The following FMN2 variants were observed in gnomAD, a reference collection of about 807,000 sequenced individuals.
FMN2 encodes the protein formin 2.
FMN2 carries 51 observed loss-of-function variants against 142.3 expected under a neutral mutation model. That is an observed-to-expected ratio of 0.36 (90% CI 0.29 to 0.45). The LOEUF (loss-of-function observed/expected upper bound fraction) is 0.45. Ranked by LOEUF, FMN2 falls within the 20% of genes least tolerant of loss-of-function variation. The pLI is 1.00. For synonymous variants in FMN2, 882 were observed against 869.8 expected, an observed-to-expected ratio of 1.01 and a Z score of -0.25; for missense variants, 1,936 against 2,122.8, an observed-to-expected ratio of 0.91 and a Z score of 1.73.
At chr1:240,328,990 A>G in intron 8 of FMN2, 86 bp from the exon 9 acceptor site, 1 of 1,184,420 alleles carries the variant, frequency 8.4e-7, no homozygotes, top group Non-Finnish European at 1.2e-6. Context: ...TATTCAGATC[A>G]GCAAATTTAT....
chr1:240,237,374 C>T (rs1374677947), intron 6 of FMN2, among the ~76,000 whole-genome samples: 1 of 152,156 alleles, frequency 6.6e-6, no homozygotes, highest in African/African-American at 2.4e-5. Flanking sequence ...GCTGGTGACC[C>T]CAGCTTGCCC....
At chr1:240,444,073 T>C (rs915115134) in intron 16 of FMN2, among the ~76,000 whole-genome samples, 1 of 152,186 alleles carries the variant, frequency 6.6e-6, no homozygotes, top group African/African-American at 2.4e-5. Context: ...GGGTTAGGCT[T>C]CCAGAACAAC....
chr1:240,238,483 A>G (rs969989453), intron 6 of FMN2, among the ~76,000 whole-genome samples: 2 of 152,208 alleles, frequency 1.3e-5, no homozygotes, highest in African/African-American at 2.4e-5. Context: ...TGACACATAT[A>G]ATGACTTTTC....
intron 14 of FMN2, among the ~76,000 whole-genome samples, chr1:240,369,126 C>T (rs1368419199): frequency 6.6e-6 from 1 of 152,134 alleles, no homozygotes; most frequent in Non-Finnish European, 1.5e-5. Flanking sequence ...TACACTTTCA[C>T]CTCCATCTCC....
intron 3 of FMN2, among the ~76,000 whole-genome samples, chr1:240,187,611 G>A (rs956252818): frequency 7.9e-5 from 12 of 152,014 alleles, no homozygotes; most frequent in Admixed American, 3.9e-4. Context: ...GTGCCCTCTC[G>A]CTTACGAAAA....
At chr1:240,278,731 A>T (rs1004680258) in intron 7 of FMN2, among the ~76,000 whole-genome samples, 7 of 152,218 alleles carry the variant, frequency 4.6e-5, no homozygotes, top group African/African-American at 1.7e-4. Context: ...GACTTTGCAC[A>T]TCTTGAAAAT....
At chr1:240,217,661 A>ATT (rs149514236) in intron 6 of FMN2, among the ~76,000 whole-genome samples, 1 of 150,018 alleles carries the variant, frequency 6.7e-6, no homozygotes, top group African/African-American at 2.4e-5. Flanking sequence ...TGAAAGATTT[A>ATT]TTTTTTTTTT....
At position 240,257,254 on chromosome 1, in the gene FMN2, C is replaced by T. The variant is rs1055656377; in HGVS notation, c.4066-691C>T. ...GTTTTAGGAACCCTTCGCATGGGAT[C>T]GTGTGCCCTGATTCTTTAAGACTTG... On this transcript the variant is annotated intron_variant, in intron 6 of 17. Transcript: ENST00000319653. 4.6e-5 allele frequency among the ~76,000 whole-genome samples: 7 copies of T among 152,234 alleles called. No individual in the cohort carries two copies. The South Asian group carries it at 1.0e-3, about 23-fold the overall frequency.
At chr1:240,470,207 G>GA (rs11422809) in intron 16 of FMN2, among the ~76,000 whole-genome samples, 66,359 of 130,608 alleles carry the variant, frequency 0.51, 16,770 homozygotes, top group East Asian at 0.73. Context: ...ACTAAGTGCT[G>GA]AAAAAAAAAA....
intron 3 of FMN2, among the ~76,000 whole-genome samples, chr1:240,181,526 A>G (rs904606677): frequency 6.6e-6 from 1 of 152,166 alleles, no homozygotes; most frequent in South Asian, 2.1e-4. Context: ...GGCTGAGGCC[A>G]TGGTGAGGTC....
intron 1 of FMN2, among the ~76,000 whole-genome samples, chr1:240,103,474 T>A (rs1291930518): frequency 6.6e-6 from 1 of 152,222 alleles, no homozygotes; most frequent in Non-Finnish European, 1.5e-5. Flanking sequence ...CTTACTATTT[T>A]ACCCACCCTC....
rs376691401 is a variant in FMN2 at position 240,256,505 on chromosome 1, G to A, written c.4066-1440G>A. Among the ~76,000 whole-genome samples, 19 of 151,288 alleles carry A rather than the reference G, an allele frequency of 1.3e-4. No homozygotes were observed. In the East Asian group the frequency reaches 1.6e-3, roughly 13 times the overall value. ...TGTTATTTCAACACTTTGGGAGGCC[G>A]AGGTGGGTGGATCACCTGAGGTCAG... On this transcript the variant is annotated intron_variant, in intron 6 of 17. Coordinates refer to ENST00000319653, the MANE Select transcript of FMN2 (RefSeq NM_020066.5).
intron 2 of FMN2, among the ~76,000 whole-genome samples, chr1:240,158,302 C>T (rs1267607949): frequency 6.6e-6 from 1 of 152,134 alleles, no homozygotes; most frequent in Non-Finnish European, 1.5e-5. Context: ...CTATGCTTGG[C>T]TGGAGGTAGG....
chr1:240,466,297 C>T (rs991444075), intron 16 of FMN2, among the ~76,000 whole-genome samples: 1 of 151,992 alleles, frequency 6.6e-6, no homozygotes, highest in Non-Finnish European at 1.5e-5. Flanking sequence ...TGCTTAATGC[C>T]CTAACCAAAT....
At chr1:240,103,744 C>T (rs1197089811) in intron 1 of FMN2, among the ~76,000 whole-genome samples, 1 of 152,146 alleles carries the variant, frequency 6.6e-6, no homozygotes, top group Non-Finnish European at 1.5e-5. Flanking sequence ...CTGCATGAAG[C>T]AAGAGAGTAA....
intron 13 of FMN2, among the ~76,000 whole-genome samples, chr1:240,334,895 T>C (rs1276691201): frequency 6.6e-6 from 1 of 152,182 alleles, no homozygotes; most frequent in East Asian, 1.9e-4. Flanking sequence ...TTTCTTGCTG[T>C]ATTACATACA....
intron 13 of FMN2, among the ~76,000 whole-genome samples, chr1:240,344,639 C>A (rs941286872): frequency 1.3e-5 from 2 of 152,116 alleles, no homozygotes; most frequent in Non-Finnish European, 2.9e-5. Context: ...TTTTTCAAAT[C>A]ATTCAAGTCA....
At chr1:240,407,586 G>C (rs969919380) in intron 15 of FMN2, among the ~76,000 whole-genome samples, 4 of 152,192 alleles carry the variant, frequency 2.6e-5, no homozygotes, top group African/African-American at 4.8e-5. Flanking sequence ...TCCTTCATTT[G>C]TTGTGAGAAT....
chr1:240,300,895 C>T (rs1408933900), intron 8 of FMN2, among the ~76,000 whole-genome samples: 2 of 122,418 alleles, frequency 1.6e-5, no homozygotes, highest in Non-Finnish European at 3.4e-5. Flanking sequence ...TTACTGTGTG[C>T]ATGTTTTTTT....
Sources: gnomAD v4.1 joint callset for allele counts (sites outside exome capture counted in the v4.1 genomes callset) on GRCh38, gnomAD v4.1.1 for gene constraint, MANE v1.5 for transcripts, NCBI Gene and HGNC (gene_info 2026-07-23, HGNC 2026-07-21) for gene names.